HAS2: variants seen among roughly 807,000 people sequenced by gnomAD.
The protein encoded by HAS2 is HA synthase 2.
HAS2 carries 16 observed loss-of-function variants against 51.6 expected under a neutral mutation model. The ratio of observed to expected loss-of-function variants is 0.31; its 90% CI spans 0.21 to 0.47. The LOEUF is 0.47. Ranked by LOEUF, HAS2 falls within the 20% of genes least tolerant of loss-of-function variation. The pLI is 1.00. For missense variants in HAS2, 361 were observed against 662.6 expected (o/e 0.54, Z 5.00); for synonymous variants, 228 against 235.5 (o/e 0.97, Z 0.29).
In HAS2 at chr8:121,617,645, A is replaced by T. The variant is rs767825596; in HGVS notation, c.628-439T>A. On this transcript the variant is annotated intron_variant, in intron 2 of 3. Coordinates refer to ENST00000303924, the MANE Select transcript of HAS2 (RefSeq NM_005328.3). ...AGGCTTTTAGGCCTTTTTGTCTTTC[A>T]GGTCTGAATGATAAGAAAATTCTAT... 2.6e-5 allele frequency among the ~76,000 whole-genome samples: 4 copies of T among 152,222 alleles called. No homozygotes were observed. The South Asian group carries it at 6.2e-4, about 24-fold the overall frequency.
Position 121,641,158 on chromosome 8 carries a change from C to CTTTTTTTTTTTTTTTTTTTT in HAS2, c.-326_-307dup, listed in dbSNP as rs71573616. The CTTTTTTTTTTTTTTTTTTTT allele has an allele frequency of 1.2e-3, 69 of 57,004 alleles. 2 individuals are homozygous for CTTTTTTTTTTTTTTTTTTTT. The highest frequency in any genetic ancestry group is 1.7e-3 in the Non-Finnish European group (53 of 30,850). The allele number at this position is 57,004 out of a possible 1,614,324, so 3.5% of individuals were successfully genotyped here. A position where few individuals can be genotyped will look rare whatever the true frequency, so the allele number is the denominator to read the frequency against. On this transcript the variant is annotated 5_prime_UTR_variant, in exon 1 of 4. Coordinates refer to ENST00000303924, the MANE Select transcript of HAS2 (RefSeq NM_005328.3). ...TAACTTTTCTTTTTTCTTTTCTTTT[C>CTTTTTTTTTTTTTTTTTTTT]TTTTTTTTTTTTTTTTTTTTTTGGG...
intron 2 of HAS2, among the ~76,000 whole-genome samples, chr8:121,617,415 A>G (rs1014535180): frequency 4.6e-5 from 7 of 152,258 alleles, no homozygotes; most frequent in Middle Eastern, 6.8e-3. Context: ...TAAGTTAATG[A>G]CATTGCTGGG....
intron 2 of HAS2, among the ~76,000 whole-genome samples, chr8:121,624,971 G>A (rs1389448453): frequency 6.6e-6 from 1 of 151,878 alleles, no homozygotes; most frequent in Non-Finnish European, 1.5e-5. Flanking sequence ...GGTAGCGGGC[G>A]CCTGTAGTCC....
At chr8:121,615,889 T>C (rs1210224420) in intron 3 of HAS2, among the ~76,000 whole-genome samples, 2 of 152,174 alleles carry the variant, frequency 1.3e-5, no homozygotes, top group Admixed American at 6.5e-5. Context: ...TATTGAAAAT[T>C]ATCAGCTTTT....
At chr8:121,623,670 C>G (rs1468788464) in intron 2 of HAS2, among the ~76,000 whole-genome samples, 1 of 152,152 alleles carries the variant, frequency 6.6e-6, no homozygotes, top group Non-Finnish European at 1.5e-5. Context: ...TGAAAGACAT[C>G]TTAGAGATCA....
rs1307329856 is a variant in HAS2, at chr8:121,614,166, G to A, written c.1602C>T (p.Ile534=). The change falls in exon 4 of 4, where the codon ATC becomes ATT. Residue 534 remains isoleucine, a synonymous_variant. Transcript: ENST00000303924. This position sits in a 1 kb window ranked among gnomAD's most constrained non-coding sequence, Gnocchi z 7.2. ...VMLLTLYVVL[I]NKCGRRKKGQ... is the part of the protein sequence containing the mutation. ...CCTTCTTCCGCCTGCCACACTTATT[G>A]ATGAGAACTACATACAGCGTCAAAA... 1 of 1,613,994 alleles carries A rather than the reference G, an allele frequency of 6.2e-7. No homozygotes were observed. The highest frequency in any genetic ancestry group is 1.7e-5 in the Admixed American group (1 of 59,996).
intron 1 of HAS2, among the ~76,000 whole-genome samples, chr8:121,631,235 A>C (rs753972504): frequency 6.6e-6 from 1 of 152,146 alleles, no homozygotes; most frequent in Non-Finnish European, 1.5e-5. Context: ...TTGGCACAAA[A>C]TAATTTCTGG....
chr8:121,638,667 A>C (rs759163238), intron 1 of HAS2, among the ~76,000 whole-genome samples: 3 of 152,228 alleles, frequency 2.0e-5, no homozygotes, highest in Non-Finnish European at 2.9e-5. Context: ...AAAGTGTTAA[A>C]TTGTCATTGA....
chr8:121,628,823 T>G lies in HAS2; in HGVS notation c.518A>C (p.Gln173Pro). The change falls in exon 2 of 4, where the codon CAA (glutamine) becomes CCA (proline). Residue 173 changes from glutamine (Q) to proline (P), a missense_variant. Physicochemically the swap from Gln to Pro is moderately conservative, Grantham distance 76 (BLOSUM62 -1). Around this residue, in one of 5 missense-constraint regions of HAS2, gnomAD observed 145 missense variants for 217.6 expected, o/e 0.67. Coordinates refer to ENST00000303924, the MANE Select transcript of HAS2 (RefSeq NM_005328.3). ...SHKESSQHVT[Q>P]LVLSNKSICI... is the part of the protein sequence containing the mutation. The stretch of plus-strand genomic sequence containing the variant: ...GATACTTTTGTTGGACAAGACCAAT[T>G]GCGTTACGTGTTGCGAGCTTTCTTT... 1 of 1,614,182 alleles carries G rather than the reference T, an allele frequency of 6.2e-7. No homozygotes were observed. The highest frequency in any genetic ancestry group is 8.5e-7 in the Non-Finnish European group (1 of 1,179,992).
At position 121,614,456 on chromosome 8, in the gene HAS2, G is replaced by C; in HGVS notation, c.1312C>G (p.Leu438Val). The C allele has an allele frequency of 6.2e-7, 1 of 1,613,964 alleles. No homozygotes were observed. The highest frequency in any genetic ancestry group is 1.1e-5 in the South Asian group (1 of 91,072). ...CTCGACATGTATAACACTGAGTAGA[G>C]AGACATGAAGACCATGACGATATTT... ...RGNIVMVFMSLYSVLYMSSLL... is the reference protein window; with the variant it reads ...RGNIVMVFMSVYSVLYMSSLL... Residue 438 changes from leucine (L) to valine (V), a missense_variant, in exon 4 of 4, where the codon CTC (leucine) becomes GTC (valine). Physicochemically the swap from Leu to Val is conservative, Grantham distance 32. Transcript: ENST00000303924. This position sits in a 1 kb window ranked among gnomAD's most constrained non-coding sequence, Gnocchi z 7.2.
At position 121,614,278 on chromosome 8, in the gene HAS2, T is replaced by A. The variant is rs367570151; in HGVS notation, c.1490A>T (p.Tyr497Phe). 1.2e-6 allele frequency: 2 copies of A among 1,614,020 alleles called. No individual in the cohort carries two copies. Among genetic ancestry groups the A allele is most frequent in the African/African-American group, 2.7e-5 (2 of 74,936 alleles). Residue 497 changes from tyrosine (Y) to phenylalanine (F), a missense_variant, in exon 4 of 4, where the codon TAT becomes TTT. Tyr to Phe is a conservative substitution (Grantham distance 22). Coordinates refer to ENST00000303924, the MANE Select transcript of HAS2 (RefSeq NM_005328.3). The surrounding 1 kb of genome is among the most constrained non-coding windows in gnomAD (Gnocchi z 7.2). The part of the protein sequence containing the change: ...ILLGGVIFTI[Y>F]KESKRPFSES... ...TGAAAATGGCCTTTTAGACTCCTTA[T>A]AAATGGTGAAAATCACACCACCCAG... is the stretch of plus-strand genomic sequence containing the variant.
intron 3 of HAS2, among the ~76,000 whole-genome samples, chr8:121,616,161 A>G (rs1003302776): frequency 6.6e-6 from 1 of 152,206 alleles, no homozygotes; most frequent in Non-Finnish European, 1.5e-5. Context: ...TTTCACATAT[A>G]CATTTTTCCA....
In HAS2 at chr8:121,639,000, CT is replaced by C. The variant is rs896360570; in HGVS notation, c.-1+1852del. ...TATGTGTTGACCTTTTTAAAATAACCTTTTTTAAAAATAATAACCTGGTTTA... is the reference window on the plus strand; with the variant it reads ...TATGTGTTGACCTTTTTAAAATAACCTTTTTAAAAATAATAACCTGGTTTA... On this transcript the variant is annotated intron_variant, in intron 1 of 3. Coordinates refer to ENST00000303924, the MANE Select transcript of HAS2 (RefSeq NM_005328.3). Among the ~76,000 whole-genome samples the C allele has an allele frequency of 1.9e-3, 297 of 152,346 alleles. 2 individuals are homozygous for C. The highest frequency in any genetic ancestry group is 0.014 in the Middle Eastern group (4 of 294).
At position 121,612,845 on chromosome 8, in the gene HAS2, C is replaced by T. The variant is rs925418593; in HGVS notation, c.*1264G>A. The T allele has an allele frequency of 2.6e-5, 4 of 151,518 alleles. No homozygotes were observed. The highest frequency in any genetic ancestry group is 9.7e-5 in the African/African-American group (4 of 41,204). The allele number at this position is 151,518 out of a possible 1,614,324, so 9.4% of individuals were successfully genotyped here. A position where few individuals can be genotyped will look rare whatever the true frequency, so the allele number is the denominator to read the frequency against. ...ATTTGAAAGTAAAAGAGGATAGATA[C>T]TTGGTGATTCTATCTGCCAATTTTG... On this transcript the variant is annotated 3_prime_UTR_variant, in exon 4 of 4. Coordinates refer to ENST00000303924, the MANE Select transcript of HAS2 (RefSeq NM_005328.3).
chr8:121,615,513 C>T (rs1452919387), intron 3 of HAS2, among the ~76,000 whole-genome samples: 1 of 151,964 alleles, frequency 6.6e-6, no homozygotes, highest in Non-Finnish European at 1.5e-5. Flanking sequence ...TTAGTAGAGA[C>T]GGGGTTTCGC....
At chr8:121,633,052 A>T (rs1237476559) in intron 1 of HAS2, among the ~76,000 whole-genome samples, 4 of 152,050 alleles carry the variant, frequency 2.6e-5, no homozygotes, top group African/African-American at 9.7e-5. Flanking sequence ...ATGACAAAAT[A>T]GGTGGCATTC....
At position 121,625,758 on chromosome 8, in the gene HAS2, C is replaced by T. The variant is rs1812840874; in HGVS notation, c.627+2956G>A. Among the ~76,000 whole-genome samples the T allele has an allele frequency of 2.1e-5, 3 of 143,040 alleles. No homozygotes were observed. The South Asian group carries it at 6.6e-4, about 31-fold the overall frequency. 93.8% of individuals were successfully genotyped at this position (143,040 alleles called of 152,430 possible). A position where few individuals can be genotyped will look rare whatever the true frequency, so the allele number is the denominator to read the frequency against. On this transcript the variant is annotated intron_variant, in intron 2 of 3. Coordinates refer to ENST00000303924, the MANE Select transcript of HAS2 (RefSeq NM_005328.3). ...TTGGTCTCGAACTCCTGGGCTTAAGCAATCCTTCTGCCTTGGTCTCTTAAA... is the reference window on the plus strand; with the variant it reads ...TTGGTCTCGAACTCCTGGGCTTAAGTAATCCTTCTGCCTTGGTCTCTTAAA...
intron 1 of HAS2, among the ~76,000 whole-genome samples, chr8:121,637,827 T>C (rs1162288221): frequency 6.6e-6 from 1 of 152,186 alleles, no homozygotes; most frequent in Non-Finnish European, 1.5e-5. Context: ...GCATACCAGC[T>C]GCCACCAACT....
rs1251869360 is a variant in HAS2 at position 121,628,837 on chromosome 8, C to T, written c.504G>A (p.Ser168=). 2.8e-5 allele frequency: 45 copies of T among 1,613,982 alleles called. No homozygotes were observed. The highest frequency in any genetic ancestry group is 3.6e-5 in the Non-Finnish European group (43 of 1,179,996). The part of the protein sequence containing the change: ...GETDESHKES[S]QHVTQLVLSN... ...ACAAGACCAATTGCGTTACGTGTTG[C>T]GAGCTTTCTTTATGTGACTCATCTG... The change falls in exon 2 of 4, where the codon TCG becomes TCA. Residue 168 remains serine, a synonymous_variant. Coordinates refer to ENST00000303924, the MANE Select transcript of HAS2 (RefSeq NM_005328.3).
Sources: allele counts gnomAD v4.1 joint callset (sites outside exome capture counted in the v4.1 genomes callset), GRCh38; gene constraint gnomAD v4.1.1; regional missense constraint gnomAD v4.1.1; non-coding constraint Gnocchi (gnomAD v3.1); transcripts MANE v1.5; gene names NCBI Gene and HGNC (gene_info 2026-07-23, HGNC 2026-07-21).